The following TCF4 variants were observed in gnomAD, a reference collection of about 807,000 sequenced individuals.
TCF4 encodes the protein transcription factor 4, also known as SL3-3 enhancer factor 2.
A neutral mutation model predicts 82.1 loss-of-function variants in TCF4; 3 were observed. That is an observed-to-expected ratio of 0.04 (90% CI 0.02 to 0.09). TCF4 has a LOEUF of 0.09. Among genes scored for constraint, TCF4 ranks in the 10% least tolerant of loss-of-function variants. The pLI is 1.00. For missense variants in TCF4, 518 were observed against 852.7 expected (o/e 0.61, Z 4.89); for synonymous variants, 276 against 309.6 (o/e 0.89, Z 1.14).
intron 3 of TCF4, among the ~76,000 whole-genome samples, chr18:55,502,826 G>A (rs2096715052): frequency 6.6e-6 from 1 of 152,138 alleles, no homozygotes; most frequent in Admixed American, 6.5e-5. Context: ...TTAATAGACA[G>A]GAAAATTTCA....
At chr18:55,310,840 G>GA (rs2072141898) in intron 8 of TCF4, among the ~76,000 whole-genome samples, 1 of 152,046 alleles carries the variant, frequency 6.6e-6, no homozygotes, top group African/African-American at 2.4e-5. Flanking sequence ...GTCCTGTAGG[G>GA]AAAAAATGGT....
chr18:55,259,795 TG>T (rs1480598523), intron 13 of TCF4, 153 bp downstream of exon 13: 1 of 668,378 alleles, frequency 1.5e-6, no homozygotes, highest in South Asian at 1.8e-5. Context: ...TCTGGTAATT[TG>T]TCTCTCCCAC....
chr18:55,405,474 A>T (rs1288890513), intron 5 of TCF4, among the ~76,000 whole-genome samples: 1 of 152,188 alleles, frequency 6.6e-6, no homozygotes, highest in Non-Finnish European at 1.5e-5. Flanking sequence ...TGTAAAATAC[A>T]GTTTAAGGAA....
chr18:55,460,224 T>C (rs1006078553), intron 5 of TCF4, among the ~76,000 whole-genome samples: 2 of 152,206 alleles, frequency 1.3e-5, no homozygotes, highest in Admixed American at 1.3e-4. Context: ...TTTACTAATA[T>C]TGTTAAGAAC....
intron 5 of TCF4, among the ~76,000 whole-genome samples, chr18:55,437,149 G>A (rs963070987): frequency 1.7e-4 from 26 of 152,254 alleles, no homozygotes; most frequent in East Asian, 1.5e-3. Context: ...GGTTCTTTTC[G>A]AAATATTTAT....
At chr18:55,379,086 C>A (rs963199823) in intron 6 of TCF4, among the ~76,000 whole-genome samples, 1 of 152,206 alleles carries the variant, frequency 6.6e-6, no homozygotes, top group Non-Finnish European at 1.5e-5. Context: ...GATGACCTCC[C>A]TGTTTCAAAG....
intron 3 of TCF4, among the ~76,000 whole-genome samples, chr18:55,489,139 T>C (rs1443708385): frequency 6.6e-6 from 1 of 152,192 alleles, no homozygotes; most frequent in Admixed American, 6.5e-5. Context: ...GGGCACCCAC[T>C]TTGAGAAGTA....
At chr18:55,382,928 C>T (rs1027837068) in intron 6 of TCF4, among the ~76,000 whole-genome samples, 1 of 152,184 alleles carries the variant, frequency 6.6e-6, no homozygotes, top group African/African-American at 2.4e-5. Context: ...CTATATAGGC[C>T]AAGCCTTCAT....
intron 5 of TCF4, among the ~76,000 whole-genome samples, chr18:55,442,119 T>C (rs1174398357): frequency 2.6e-5 from 4 of 152,156 alleles, no homozygotes; most frequent in African/African-American, 7.2e-5. Context: ...AAATAGTCCA[T>C]TACAAGCTTA....
chr18:55,571,274 GT>G (rs1467150126), intron 3 of TCF4, among the ~76,000 whole-genome samples: 11 of 152,196 alleles, frequency 7.2e-5, no homozygotes, highest in Non-Finnish European at 1.6e-4. Context: ...AACATACCAA[GT>G]GAAAAAGCAA....
chr18:55,266,984 T>C (rs2059324963), intron 11 of TCF4: 1 of 152,250 alleles, frequency 6.6e-6, no homozygotes, highest in Admixed American at 6.5e-5. Flanking sequence ...AACATGACAC[T>C]GAGACGAAGG....
chr18:55,371,502 T>C (rs41421645), intron 6 of TCF4, among the ~76,000 whole-genome samples: 14 of 152,140 alleles, frequency 9.2e-5, no homozygotes, highest in African/African-American at 3.1e-4. Context: ...CATATGTTAG[T>C]ACAAAAGGAG....
intron 6 of TCF4, among the ~76,000 whole-genome samples, chr18:55,382,518 T>C (rs866149062): frequency 6.6e-6 from 1 of 152,144 alleles, no homozygotes; most frequent in Non-Finnish European, 1.5e-5. Context: ...TAATTAAATA[T>C]GGAAGCCTAT....
rs182823307 is a variant in TCF4, at chr18:55,570,555, T to C, written c.145+14725A>G. Among the ~76,000 whole-genome samples the C allele has an allele frequency of 3.0e-3, 458 of 152,184 alleles. 3 individuals carry two copies. The highest frequency in any genetic ancestry group is 0.011 in the African/African-American group (439 of 41,504). ...GATCTGAAATAAATATATACAAAGT[T>C]GTTTAACCGAATTATCAAGGAAATG... On this transcript the variant is annotated intron_variant, in intron 3 of 19. Coordinates refer to ENST00000354452, the MANE Select transcript of TCF4 (RefSeq NM_001083962.2).
At chr18:55,419,792 A>G (rs1209301422) in intron 5 of TCF4, among the ~76,000 whole-genome samples, 1 of 152,176 alleles carries the variant, frequency 6.6e-6, no homozygotes, top group Non-Finnish European at 1.5e-5. Flanking sequence ...ACCCCAACCA[A>G]TGGGAAAGTT....
intron 13 of TCF4, 136 bp from the exon 14 acceptor site, chr18:55,257,527 C>T: frequency 1.2e-6 from 1 of 814,022 alleles, no homozygotes; most frequent in Non-Finnish European, 2.1e-6. Flanking sequence ...TACATGTAAA[C>T]TTCCCATATA....
chr18:55,479,213 C>A (rs1207613339), intron 3 of TCF4: 3 of 152,986 alleles, frequency 2.0e-5, no homozygotes, highest in South Asian at 4.1e-4. Context: ...AGGTAAATAA[C>A]TTCCCCAATG....
intron 8 of TCF4, among the ~76,000 whole-genome samples, chr18:55,341,238 C>A (rs1472691388): frequency 6.6e-6 from 1 of 152,216 alleles, no homozygotes; most frequent in African/African-American, 2.4e-5. Flanking sequence ...CCAGGTCTCA[C>A]TCCCAGCTCT....
intron 8 of TCF4, among the ~76,000 whole-genome samples, chr18:55,287,900 A>G (rs190729015): frequency 6.6e-6 from 1 of 152,336 alleles, no homozygotes; most frequent in African/African-American, 2.4e-5. Context: ...ACTCTAAATA[A>G]AAATGAGTTG....
Sources: allele counts gnomAD v4.1 joint callset (sites outside exome capture counted in the v4.1 genomes callset), GRCh38; gene constraint gnomAD v4.1.1; transcripts MANE v1.5; gene names NCBI Gene and HGNC (gene_info 2026-07-23, HGNC 2026-07-21).